Variants in WASHC4 observed in about 807,000 individuals in gnomAD.
WASHC4 encodes WASH complex subunit 7.
WASHC4 carries 86 observed loss-of-function variants against 166.6 expected under a neutral mutation model. That is an observed-to-expected ratio of 0.52 (90% CI 0.43 to 0.62). The LOEUF is 0.62. WASHC4 is among the 20% of genes least tolerant of loss of function. The pLI, the probability that WASHC4 is intolerant of heterozygous loss-of-function variation, is 0.00. For synonymous variants in WASHC4, 446 were observed against 451.6 expected, an observed-to-expected ratio of 0.99 and a Z score of 0.16; for missense variants, 1,262 against 1,382.4, an observed-to-expected ratio of 0.91 and a Z score of 1.38.
At chr12:105,109,723 T>C (rs562977155) in intron 1 of WASHC4, among the ~76,000 whole-genome samples, 2 of 144,622 alleles carry the variant, frequency 1.4e-5, no homozygotes, top group African/African-American at 5.2e-5. Context: ...CACGGCTCAC[T>C]GCAGCCTCGA....
intron 28 of WASHC4, among the ~76,000 whole-genome samples, chr12:105,159,417 C>T (rs527973370): frequency 3.9e-5 from 6 of 152,222 alleles, no homozygotes; most frequent in Non-Finnish European, 7.4e-5. Context: ...AATTGTAGGA[C>T]GGTGGTTAAA....
chr12:105,126,139 CG>C lies in WASHC4; in HGVS notation c.910+13del. 6.2e-7 allele frequency: 1 copy of C among 1,612,694 alleles called. No individual in the cohort carries two copies. Among genetic ancestry groups the C allele is most frequent in the Non-Finnish European group, 8.5e-7 (1 of 1,179,248 alleles). ...AGAAGCCAAACTTGGTAATGTAAATCGCATTTTTTGGTTTTTGTTTATAAAA... is the reference window on the plus strand; with the variant it reads ...AGAAGCCAAACTTGGTAATGTAAATCCATTTTTTGGTTTTTGTTTATAAAA... On this transcript the variant is annotated intron_variant, in intron 11 of 32. Transcript: ENST00000332180.
At position 105,143,220 on chromosome 12, in the gene WASHC4, G is replaced by A. The variant is rs755817496; in HGVS notation, c.1987G>A (p.Glu663Lys). 2.5e-6 allele frequency: 4 copies of A among 1,572,672 alleles called. No homozygotes were observed. Among genetic ancestry groups the A allele is most frequent in the Middle Eastern group, 1.7e-4 (1 of 5,984 alleles). The change falls in exon 20 of 33, where the codon GAA becomes AAA. Residue 663 changes from glutamate to lysine, a missense_variant. Transcript: ENST00000332180. ...GATACTTCTGGATTGCTATGACAAG[G>A]AAATTATGGAAATTTTAAATGAGGT... ...YEILLDCYDK[E>K]IMEILNEHLL...
intron 28 of WASHC4, among the ~76,000 whole-genome samples, chr12:105,158,882 G>A (rs1387852675): frequency 6.6e-6 from 1 of 152,216 alleles, no homozygotes; most frequent in Non-Finnish European, 1.5e-5. Flanking sequence ...GGTGAATCTA[G>A]TTGAAGGGTA....
chr12:105,165,587 A>C (rs751165343), intron 32 of WASHC4, among the ~76,000 whole-genome samples: 4 of 152,186 alleles, frequency 2.6e-5, no homozygotes, highest in Non-Finnish European at 5.9e-5. Flanking sequence ...TCATAAATCA[A>C]GATATAAAGC....
chr12:105,149,730 A>T lies in WASHC4; in HGVS notation c.2630A>T (p.Lys877Met). ...IKDIRFFREI[K>M]DQNDHKYPFD... ...GATATTCGATTTTTCAGGGAAATTA[A>T]GGACCAAAATGATCATAAGGTAGGC... Residue 877 changes from lysine to methionine, a missense_variant, in exon 25 of 33, where the codon AAG becomes ATG. By Grantham distance (95) the Lys-to-Met change is moderately conservative. Coordinates refer to ENST00000332180, the MANE Select transcript of WASHC4 (RefSeq NM_015275.3). 1 of 1,595,534 alleles carries T rather than the reference A, an allele frequency of 6.3e-7. No homozygotes were observed.
chr12:105,124,466 G>C (rs1421982229), intron 10 of WASHC4, among the ~76,000 whole-genome samples: 1 of 151,040 alleles, frequency 6.6e-6, no homozygotes, highest in Admixed American at 6.6e-5. Context: ...TAACCTCTAG[G>C]TTTAGGTTTT....
chr12:105,157,644 A>G (rs983715834), intron 28 of WASHC4, among the ~76,000 whole-genome samples: 4 of 152,200 alleles, frequency 2.6e-5, no homozygotes, highest in African/African-American at 9.6e-5. Flanking sequence ...AAATACCTCA[A>G]TCATAAAATT....
intron 19 of WASHC4, among the ~76,000 whole-genome samples, chr12:105,142,926 G>T (rs1028063202): frequency 2.0e-5 from 3 of 152,028 alleles, no homozygotes; most frequent in Admixed American, 6.6e-5. Context: ...GAAAGGACTA[G>T]CGAATGTGAT....
At chr12:105,136,933 G>A (rs1207636306) in intron 14 of WASHC4, among the ~76,000 whole-genome samples, 2 of 152,038 alleles carry the variant, frequency 1.3e-5, no homozygotes, top group Non-Finnish European at 2.9e-5. Flanking sequence ...CACTGTTTCC[G>A]ATGGGAGAAT....
rs746872657 is a variant in WASHC4 at position 105,111,156 on chromosome 12, T to C, written c.93T>C (p.Tyr31=). 5.0e-6 allele frequency: 8 copies of C among 1,607,078 alleles called. No homozygotes were observed. The African/African-American group carries it at 5.3e-5, about 11-fold the overall frequency. The part of the protein sequence containing the change: ...KIHAEVQLKN[Y]GKFLEEYTSQ... ...ATGCCGAAGTCCAACTTAAGAATTATGGGAAATTTCTTGAGGAGTATACCT... is the reference window on the plus strand; with the variant it reads ...ATGCCGAAGTCCAACTTAAGAATTACGGGAAATTTCTTGAGGAGTATACCT... Residue 31 remains tyrosine (Y), a synonymous_variant, in exon 2 of 33, where the codon TAT becomes TAC. Transcript: ENST00000332180.
intron 13 of WASHC4, among the ~76,000 whole-genome samples, chr12:105,128,656 G>GTATATAATGCAAA (rs1248457326): frequency 3.3e-5 from 5 of 152,136 alleles, no homozygotes; most frequent in Non-Finnish European, 7.3e-5. Context: ...GAACTGGTAA[G>GTATATAATGCAAA]TATATAATGC....
intron 13 of WASHC4, among the ~76,000 whole-genome samples, chr12:105,129,078 T>G (rs931042106): frequency 4.6e-5 from 7 of 152,060 alleles, no homozygotes; most frequent in African/African-American, 1.7e-4. Flanking sequence ...CCCGAGTAGC[T>G]GGGATTACAG....
chr12:105,138,109 G>A (rs1882473387), intron 15 of WASHC4, 98 bp downstream of exon 15: 2 of 1,215,630 alleles, frequency 1.6e-6, no homozygotes, highest in Admixed American at 2.4e-5. Flanking sequence ...GATTATATGA[G>A]AACAGAAAAT....
In WASHC4 at chr12:105,156,725, G is replaced by A. The variant is rs1884185079; in HGVS notation, c.2759-1G>A. The A allele has an allele frequency of 6.2e-7, 1 of 1,607,990 alleles. No homozygotes were observed. The highest frequency in any genetic ancestry group is 8.5e-7 in the Non-Finnish European group (1 of 1,175,276). The stretch of plus-strand genomic sequence containing the variant: ...TCTGATTTTTTTGTGTGGTTTTTAA[G>A]GTAATGCTATGGGCTATGTACGAAT... On this transcript the variant is annotated splice_acceptor_variant, in intron 26 of 32. Coordinates refer to ENST00000332180, the MANE Select transcript of WASHC4 (RefSeq NM_015275.3). LOFTEE classifies it high-confidence loss of function.
At chr12:105,137,101 C>G (rs572711934) in intron 14 of WASHC4, among the ~76,000 whole-genome samples, 1 of 152,298 alleles carries the variant, frequency 6.6e-6, no homozygotes, top group South Asian at 2.1e-4. Flanking sequence ...CCCAAAGAAT[C>G]TCCATCATTA....
chr12:105,135,865 CTGT>C (rs1322157516), intron 14 of WASHC4, among the ~76,000 whole-genome samples: 1 of 152,052 alleles, frequency 6.6e-6, no homozygotes, highest in African/African-American at 2.4e-5. Flanking sequence ...TTTGTCTTAT[CTGT>C]TGTTTCTCTT....
chr12:105,142,521 A>T lies in WASHC4; in HGVS notation c.1856A>T (p.Asp619Val). ...GCTGTCTTCCCAATTTATTTAGATGATGTATATGAAAATGCTGTTGATGCA... is the reference window on the plus strand; with the variant it reads ...GCTGTCTTCCCAATTTATTTAGATGTTGTATATGAAAATGCTGTTGATGCA... The part of the protein sequence containing the change: ...HRAVFPIYLD[D>V]VYENAVDAAR... The change falls in exon 19 of 33, where the codon GAT (aspartate) becomes GTT (valine). Residue 619 changes from aspartate to valine, a missense_variant. Transcript: ENST00000332180. 1 of 1,606,172 alleles carries T rather than the reference A, an allele frequency of 6.2e-7. No individual in the cohort carries two copies. The highest frequency in any genetic ancestry group is 8.5e-7 in the Non-Finnish European group (1 of 1,173,824).
chr12:105,116,070 A>G (rs1432591642), intron 6 of WASHC4, among the ~76,000 whole-genome samples: 4 of 152,154 alleles, frequency 2.6e-5, no homozygotes, highest in African/African-American at 4.8e-5. Flanking sequence ...CTATTACATG[A>G]GCAATGATGA....
Sources: allele counts gnomAD v4.1 joint callset (sites outside exome capture counted in the v4.1 genomes callset), GRCh38; gene constraint gnomAD v4.1.1; transcripts MANE v1.5; gene names NCBI Gene and HGNC (gene_info 2026-07-23, HGNC 2026-07-21).